Variants in ABCA13 observed in about 807,000 individuals in gnomAD.
The protein encoded by ABCA13 is ATP-binding cassette sub-family A member 13.
ABCA13 carries 476 observed loss-of-function variants against 478.7 expected under a neutral mutation model. The ratio of observed to expected loss-of-function variants is 0.99; its 90% CI spans 0.92 to 1.07. The LOEUF is 1.07. Among genes scored for constraint, ABCA13 ranks in the 50% least tolerant of loss-of-function variants. The probability of loss-of-function intolerance (pLI) is 0.00; values close to 1 mark genes in which losing one functional copy is unlikely to be tolerated. For synonymous variants in ABCA13, 2,252 were observed against 2,158.9 expected, an observed-to-expected ratio of 1.04 and a Z score of -1.20; for missense variants, 6,060 against 5,910.6, an observed-to-expected ratio of 1.03 and a Z score of -0.83.
intron 35 of ABCA13, among the ~76,000 whole-genome samples, chr7:48,377,285 G>A (rs1252183041): frequency 6.6e-6 from 1 of 151,642 alleles, no homozygotes; most frequent in Non-Finnish European, 1.5e-5. Flanking sequence ...TTTTGGTTCA[G>A]GCCCGAAAGA....
chr7:48,592,016 G>A (rs78315325), intron 57 of ABCA13, among the ~76,000 whole-genome samples: 4,197 of 151,902 alleles, frequency 0.028, 78 homozygotes, highest in East Asian at 0.08. Context: ...GCTAGAGTGG[G>A]CATCCTTGTC....
chr7:48,341,659 G>A (rs906982876), intron 29 of ABCA13, among the ~76,000 whole-genome samples: 9 of 150,922 alleles, frequency 6.0e-5, no homozygotes, highest in South Asian at 2.1e-4. Context: ...AAAACCCACC[G>A]TTTATGGCCT....
chr7:48,580,212 T>C lies in ABCA13; in HGVS notation c.14355-12T>C, dbSNP rs536508775. 7 of 1,600,384 alleles carry C rather than the reference T, an allele frequency of 4.4e-6. No individual in the cohort carries two copies. In the Admixed American group the frequency reaches 1.0e-4, roughly 24 times the overall value. ...AACTGCTGTTCTCAGCCTGTGCTGC[T>C]TCTCTCTGCAGAGACGCCGTGGACC... On this transcript the variant is annotated splice_polypyrimidine_tract_variant and intron_variant, in intron 55 of 61. Transcript: ENST00000435803.
intron 2 of ABCA13, among the ~76,000 whole-genome samples, chr7:48,194,317 A>T (rs1178822238): frequency 6.7e-6 from 1 of 149,608 alleles, no homozygotes; most frequent in East Asian, 2.0e-4. Flanking sequence ...GATAATGGAG[A>T]TGATGGTGGA....
At chr7:48,421,696 T>C (rs1428347459) in intron 41 of ABCA13, among the ~76,000 whole-genome samples, 1 of 152,120 alleles carries the variant, frequency 6.6e-6, no homozygotes, top group Non-Finnish European at 1.5e-5. Context: ...GTGATTGGGG[T>C]GTTGCTGCTC....
Position 48,466,959 on chromosome 7 carries a change from T to G in ABCA13, c.12819T>G (p.Ser4273Arg). The G allele has an allele frequency of 3.7e-6, 6 of 1,613,886 alleles. No individual in the cohort carries two copies. Among genetic ancestry groups the G allele is most frequent in the Non-Finnish European group, 5.1e-6 (6 of 1,179,844 alleles). Residue 4273 changes from serine to arginine, a missense_variant, in exon 44 of 62, where the codon AGT (serine) becomes AGG (arginine). Physicochemically the swap from Ser to Arg is moderately radical, Grantham distance 110 (BLOSUM62 -1). Around this residue, in one of 3 missense-constraint regions of ABCA13, gnomAD observed 1,627 missense variants for 1,571.0 expected, o/e 1.04. Transcript: ENST00000435803. ...TTTGTCTCACAATGAACAGCAGCAG[T>G]GGGGGCGACAACTTGGACCTCACCC... ...YQRAETYFFS[S>R]GGDNLDLTRV...
intron 19 of ABCA13, among the ~76,000 whole-genome samples, chr7:48,281,700 C>T (rs1797067420): frequency 6.6e-6 from 1 of 152,166 alleles, no homozygotes; most frequent in Non-Finnish European, 1.5e-5. Flanking sequence ...TGTCTTTGCT[C>T]ATGGAATGTG....
chr7:48,558,177 T>C lies in ABCA13; in HGVS notation c.14355-22047T>C, dbSNP rs143803382. Among the ~76,000 whole-genome samples the C allele has an allele frequency of 2.3e-3, 227 of 97,978 alleles. 1 individual carries two copies. The highest frequency in any genetic ancestry group is 8.5e-3 in the African/African-American group (200 of 23,632). 64.3% of individuals were successfully genotyped at this position (97,978 alleles called of 152,430 possible). A position where few individuals can be genotyped will look rare whatever the true frequency, so the allele number is the denominator to read the frequency against. On this transcript the variant is annotated intron_variant, in intron 55 of 61. Transcript: ENST00000435803. The stretch of plus-strand genomic sequence containing the variant: ...TCCCTCCCTCCCTCCCTCCCTCCCT[T>C]CCTCCCTTCCTTCCTTCCTCTCTCT...
intron 59 of ABCA13, among the ~76,000 whole-genome samples, chr7:48,615,999 C>T (rs1792532519): frequency 6.6e-6 from 1 of 152,036 alleles, no homozygotes; most frequent in South Asian, 2.1e-4. Flanking sequence ...AGCATTGTTA[C>T]ATCCTGGTAT....
chr7:48,487,327 A>G (rs1207117618), intron 47 of ABCA13, among the ~76,000 whole-genome samples: 10 of 108,616 alleles, frequency 9.2e-5, no homozygotes, highest in Admixed American at 9.0e-4. Context: ...AACAAAACAA[A>G]ACAAAACAAA....
Position 48,274,185 on chromosome 7 carries a change from T to G in ABCA13, c.4519T>G (p.Leu1507Val). The G allele has an allele frequency of 6.2e-7, 1 of 1,612,138 alleles. No individual in the cohort carries two copies. Among genetic ancestry groups the G allele is most frequent in the Non-Finnish European group, 8.5e-7 (1 of 1,178,864 alleles). The part of the protein sequence containing the change: ...TKQVRMSINN[L>V]TTDFDFASQS... ...GCAAGTAAGGATGAGTATCAACAAC[T>G]TAACAACAGACTTTGATTTTGCATC... The change falls in exon 17 of 62, where the codon TTA becomes GTA. Residue 1507 changes from leucine (L) to valine (V), a missense_variant. Physicochemically the swap from Leu to Val is conservative, Grantham distance 32 (BLOSUM62 1). Transcript: ENST00000435803.
chr7:48,520,984 C>A (rs1185163049), intron 53 of ABCA13, among the ~76,000 whole-genome samples: 2 of 152,128 alleles, frequency 1.3e-5, no homozygotes, highest in Non-Finnish European at 2.9e-5. Flanking sequence ...GTACTCTGAT[C>A]TTTGTCAGGT....
At chr7:48,637,718 A>G (rs1332737821) in intron 59 of ABCA13, among the ~76,000 whole-genome samples, 1 of 152,028 alleles carries the variant, frequency 6.6e-6, no homozygotes, top group Non-Finnish European at 1.5e-5. Context: ...TTTTTATCCC[A>G]CTGACTTGGC....
chr7:48,549,518 A>G lies in ABCA13; in HGVS notation c.14354+21173A>G, dbSNP rs542377804. Among the ~76,000 whole-genome samples the G allele has an allele frequency of 1.2e-3, 177 of 152,030 alleles. 1 individual carries two copies. Among genetic ancestry groups the G allele is most frequent in the African/African-American group, 4.1e-3 (170 of 41,540 alleles). On this transcript the variant is annotated intron_variant, in intron 55 of 61. Transcript: ENST00000435803. Reference sequence around the variant, plus strand: ...CTTTGCTACCATAAATAGTGTTGCAATAAACATACGTGTGCATGTGTCTTT... The same window carrying G: ...CTTTGCTACCATAAATAGTGTTGCAGTAAACATACGTGTGCATGTGTCTTT...
chr7:48,407,645 C>T (rs1024137314), intron 39 of ABCA13, among the ~76,000 whole-genome samples: 3 of 151,946 alleles, frequency 2.0e-5, no homozygotes, highest in African/African-American at 4.8e-5. Flanking sequence ...CAACCTCTGC[C>T]TCCTGGGCTC....
At chr7:48,472,350 T>C (rs1160911744) in intron 45 of ABCA13, among the ~76,000 whole-genome samples, 1 of 152,166 alleles carries the variant, frequency 6.6e-6, no homozygotes, top group Non-Finnish European at 1.5e-5. Flanking sequence ...TCCTTAATAG[T>C]TGTCAACCTA....
chr7:48,242,181 T>A (rs1790934768), intron 10 of ABCA13, among the ~76,000 whole-genome samples: 1 of 151,950 alleles, frequency 6.6e-6, no homozygotes, highest in Admixed American at 6.6e-5. Flanking sequence ...CCTACAAATC[T>A]CGAATGCCCC....
At chr7:48,203,057 A>G (rs12718300) in intron 3 of ABCA13, among the ~76,000 whole-genome samples, 30,742 of 152,072 alleles carry the variant, frequency 0.2, 3,307 homozygotes, top group Middle Eastern at 0.25. Flanking sequence ...GGCCTGCCCC[A>G]CGGGAAGGCA....
chr7:48,369,805 T>C lies in ABCA13; in HGVS notation c.10803+1897T>C, dbSNP rs191225861. 2.4e-4 allele frequency among the ~76,000 whole-genome samples: 36 copies of C among 152,308 alleles called. No individual in the cohort carries two copies. The East Asian group carries it at 6.6e-3, about 28-fold the overall frequency. On this transcript the variant is annotated intron_variant, in intron 32 of 61. Coordinates refer to ENST00000435803, the MANE Select transcript of ABCA13 (RefSeq NM_152701.5). ...TTTTGGTGACTATGTCCTTATAGTA[T>C]AGTTTGAAGTCGGATAATGTGATGC...
Sources: allele counts gnomAD v4.1 joint callset (sites outside exome capture counted in the v4.1 genomes callset), GRCh38; gene constraint gnomAD v4.1.1; regional missense constraint gnomAD v4.1.1; transcripts MANE v1.5; gene names NCBI Gene and HGNC (gene_info 2026-07-23, HGNC 2026-07-21).